The following GRIN2A variants were observed in gnomAD, a reference collection of about 807,000 sequenced individuals.
GRIN2A encodes the protein glutamate ionotropic receptor NMDA type subunit 2A.
A neutral mutation model predicts 113.4 loss-of-function variants in GRIN2A; 22 were observed. The ratio of observed to expected loss-of-function variants is 0.19; its 90% CI spans 0.14 to 0.28. The LOEUF (loss-of-function observed/expected upper bound fraction) is 0.28. GRIN2A is among the 10% of genes least tolerant of loss of function. The pLI is 1.00. For synonymous variants in GRIN2A, 827 were observed against 738.4 expected (o/e 1.12, Z -1.94); for missense variants, 1,502 against 1,887.0 (o/e 0.80, Z 3.78).
At chr16:9,766,292 G>C (rs1363157444) in intron 12 of GRIN2A, among the ~76,000 whole-genome samples, 2 of 152,208 alleles carry the variant, frequency 1.3e-5, no homozygotes, top group Non-Finnish European at 2.9e-5. Context: ...GGTCCCCCAT[G>C]GTGGGGACAA....
At chr16:10,121,947 G>A (rs964582704) in intron 2 of GRIN2A, among the ~76,000 whole-genome samples, 3 of 152,164 alleles carry the variant, frequency 2.0e-5, no homozygotes, top group African/African-American at 2.4e-5. Context: ...GCAAACAAGA[G>A]AGAAGCATGG....
At chr16:9,856,336 T>C (rs996041473) in intron 4 of GRIN2A, among the ~76,000 whole-genome samples, 1 of 152,138 alleles carries the variant, frequency 6.6e-6, no homozygotes, top group East Asian at 1.9e-4. Flanking sequence ...ACAGAGTTGT[T>C]ATAAAGATTA....
chr16:9,897,103 G>C (rs1220928033), intron 3 of GRIN2A, among the ~76,000 whole-genome samples: 1 of 151,574 alleles, frequency 6.6e-6, no homozygotes, highest in Non-Finnish European at 1.5e-5. Context: ...AGACTCTAGT[G>C]ATTTGCCAAG....
intron 2 of GRIN2A, among the ~76,000 whole-genome samples, chr16:10,092,036 G>T (rs559246347): frequency 6.6e-6 from 1 of 152,120 alleles, no homozygotes; most frequent in African/African-American, 2.4e-5. Flanking sequence ...ATCAATAAAG[G>T]TATTAAAATA....
At chr16:10,168,894 G>A (rs1261054054) in intron 2 of GRIN2A, among the ~76,000 whole-genome samples, 2 of 151,674 alleles carry the variant, frequency 1.3e-5, no homozygotes, top group East Asian at 1.9e-4. Context: ...GAACCCAGGC[G>A]GCAGAGGTTG....
At chr16:10,034,257 G>C (rs2046982647) in intron 2 of GRIN2A, among the ~76,000 whole-genome samples, 1 of 152,038 alleles carries the variant, frequency 6.6e-6, no homozygotes, top group South Asian at 2.1e-4. Context: ...GGGCATGGTG[G>C]CTCATGCCTG....
At position 9,764,390 on chromosome 16, in the gene GRIN2A, G is replaced by A; in HGVS notation, c.3154C>T (p.Leu1052Phe). 6.2e-7 allele frequency: 1 copy of A among 1,614,134 alleles called. No homozygotes were observed. The stretch of plus-strand genomic sequence containing the variant: ...TCAGAGTGGGCCATCTCTTCTGGAA[G>A]ATACCTAGGGCTCTTTAGGGAGTGG... ...RTHSLKSPRYLPEEMAHSDIS... is the reference protein window; with the variant it reads ...RTHSLKSPRYFPEEMAHSDIS... The change falls in exon 13 of 13, where the codon CTT becomes TTT. Residue 1052 changes from leucine to phenylalanine, a missense_variant. Coordinates refer to ENST00000330684, the MANE Select transcript of GRIN2A (RefSeq NM_001134407.3).
intron 2 of GRIN2A, among the ~76,000 whole-genome samples, chr16:10,157,583 C>T (rs575434824): frequency 1.3e-5 from 2 of 152,258 alleles, no homozygotes; most frequent in Middle Eastern, 3.4e-3. Flanking sequence ...AAGCAAATAC[C>T]TTCTTCACGG....
chr16:9,993,102 C>T (rs886731885), intron 2 of GRIN2A, among the ~76,000 whole-genome samples: 3 of 151,740 alleles, frequency 2.0e-5, no homozygotes, highest in African/African-American at 4.8e-5. Flanking sequence ...TGGTGGTGCA[C>T]GTCTGTAGTC....
intron 2 of GRIN2A, among the ~76,000 whole-genome samples, chr16:10,104,589 A>C (rs957175786): frequency 2.0e-5 from 3 of 152,220 alleles, no homozygotes; most frequent in Admixed American, 1.3e-4. Flanking sequence ...TGGTTATGGG[A>C]AGGAATGGTG....
At chr16:9,929,909 G>C (rs148340182) in intron 3 of GRIN2A, among the ~76,000 whole-genome samples, 49 of 152,216 alleles carry the variant, frequency 3.2e-4, no homozygotes, top group African/African-American at 1.1e-3. Flanking sequence ...TTCCCTCAAG[G>C]TAAAGGCACG....
intron 2 of GRIN2A, among the ~76,000 whole-genome samples, chr16:10,026,284 T>A (rs1439903318): frequency 6.6e-6 from 1 of 152,154 alleles, no homozygotes; most frequent in South Asian, 2.1e-4. Flanking sequence ...CTCCTCTGTA[T>A]AACAAGAGTA....
At chr16:10,104,563 C>T (rs72776004) in intron 2 of GRIN2A, among the ~76,000 whole-genome samples, 12,371 of 152,210 alleles carry the variant, frequency 0.081, 635 homozygotes, top group Non-Finnish European at 0.12. Context: ...AAAGCTTGCA[C>T]GAGCACAATT....
rs768817276 is a variant in GRIN2A, at chr16:9,757,917, G to A, written c.*5232C>T. ...AACAAAAACCAGGGCAGCCTTATGG[G>A]GATCTCTGGCTCTTATTCCAGAGCT... is the stretch of plus-strand genomic sequence containing the variant. On this transcript the variant is annotated 3_prime_UTR_variant, in exon 13 of 13. Coordinates refer to ENST00000330684, the MANE Select transcript of GRIN2A (RefSeq NM_001134407.3). The A allele has an allele frequency of 2.7e-5, 6 of 224,114 alleles. No homozygotes were observed. Among genetic ancestry groups the A allele is most frequent in the Non-Finnish European group, 5.3e-5 (6 of 112,282 alleles). 13.9% of individuals were successfully genotyped at this position (224,114 alleles called of 1,614,324 possible). A position where few individuals can be genotyped will look rare whatever the true frequency, so the allele number is the denominator to read the frequency against.
intron 2 of GRIN2A, among the ~76,000 whole-genome samples, chr16:10,048,192 C>T (rs1360629427): frequency 6.6e-6 from 1 of 152,162 alleles, no homozygotes; most frequent in Non-Finnish European, 1.5e-5. Flanking sequence ...ATGTAAAATG[C>T]AGATAATAAT....
chr16:10,175,487 A>C (rs948564094), intron 2 of GRIN2A, among the ~76,000 whole-genome samples: 1 of 152,244 alleles, frequency 6.6e-6, no homozygotes, highest in Non-Finnish European at 1.5e-5. Flanking sequence ...ATGTTTACCC[A>C]TGGTGATAGG....
At chr16:9,880,250 C>T (rs944419941) in intron 4 of GRIN2A, among the ~76,000 whole-genome samples, 3 of 152,252 alleles carry the variant, frequency 2.0e-5, no homozygotes, top group African/African-American at 7.2e-5. Flanking sequence ...ACTGACAGTG[C>T]CTAGAGGCCC....
At chr16:9,822,551 G>A (rs1456468657) in intron 9 of GRIN2A, 127 bp from the exon 10 acceptor site, 10 of 719,834 alleles carry the variant, frequency 1.4e-5, no homozygotes, top group Non-Finnish European at 2.3e-5. Flanking sequence ...GCATGCATTA[G>A]GGCAGGATGA....
At chr16:9,964,711 T>C (rs1408010912) in intron 2 of GRIN2A, among the ~76,000 whole-genome samples, 1 of 152,200 alleles carries the variant, frequency 6.6e-6, no homozygotes, top group Non-Finnish European at 1.5e-5. Flanking sequence ...CATCTTTCTC[T>C]GTCCACATCC....
Sources: gnomAD v4.1 joint callset for allele counts (sites outside exome capture counted in the v4.1 genomes callset) on GRCh38, gnomAD v4.1.1 for gene constraint, MANE v1.5 for transcripts, NCBI Gene and HGNC (gene_info 2026-07-23, HGNC 2026-07-21) for gene names.